The following ERC2 variants were observed in gnomAD, a reference collection of about 807,000 sequenced individuals.
The protein encoded by ERC2 is ERC protein 2.
Under a neutral mutation model 114.8 loss-of-function variants are expected in ERC2, and 42 were observed. The observed-to-expected ratio is 0.37, with a 90% confidence interval of 0.29 to 0.47. ERC2 has a LOEUF of 0.47. Among genes scored for constraint, ERC2 ranks in the 20% least tolerant of loss-of-function variants. The pLI is 0.99. For synonymous variants in ERC2, 454 were observed against 425.5 expected (o/e 1.07, Z -0.82); for missense variants, 939 against 1,150.7 (o/e 0.82, Z 2.66).
rs73832722 is a variant in ERC2 at position 56,379,812 on chromosome 3, T to C, written c.657+54539A>G. ...GTAAGGAAGGGAAGGGAATGAAATA[T>C]GTTCAACAGGAAAAATAGAATTAAG... On this transcript the variant is annotated intron_variant, in intron 2 of 17. Coordinates refer to ENST00000288221, the MANE Select transcript of ERC2 (RefSeq NM_015576.3). Among the ~76,000 whole-genome samples the C allele has an allele frequency of 3.4e-3, 518 of 152,298 alleles. 3 individuals are homozygous for C. The highest frequency in any genetic ancestry group is 0.012 in the African/African-American group (497 of 41,576).
chr3:55,873,849 G>T (rs1240129342), intron 14 of ERC2, among the ~76,000 whole-genome samples: 2 of 152,186 alleles, frequency 1.3e-5, no homozygotes, highest in Non-Finnish European at 2.9e-5. Context: ...TGGGTCCAGG[G>T]ACCTCTCCTC....
In ERC2 at chr3:55,510,819, T is replaced by C. The variant is rs2052021847; in HGVS notation, c.*497A>G. On this transcript the variant is annotated 3_prime_UTR_variant, in exon 18 of 18. Transcript: ENST00000288221. The stretch of plus-strand genomic sequence containing the variant: ...AGCGAATTTATACTTTTTGATAATC[T>C]AATGCATTAGGAATGACCAATTAGA... 2.0e-5 allele frequency: 3 copies of C among 152,338 alleles called. No individual in the cohort carries two copies. Among genetic ancestry groups the C allele is most frequent in the Non-Finnish European group, 4.4e-5 (3 of 68,040 alleles). 9.4% of individuals were successfully genotyped at this position (152,338 alleles called of 1,614,324 possible).
chr3:55,881,261 A>C (rs2063107955), intron 14 of ERC2, among the ~76,000 whole-genome samples: 1 of 152,182 alleles, frequency 6.6e-6, no homozygotes, highest in South Asian at 2.1e-4. Flanking sequence ...GCCCTCGAAT[A>C]AGCTGCTGTC....
intron 8 of ERC2, among the ~76,000 whole-genome samples, chr3:56,011,658 G>A (rs148087111): frequency 6.6e-6 from 1 of 151,912 alleles, no homozygotes; most frequent in Non-Finnish European, 1.5e-5. Context: ...AATTCCATCT[G>A]CGTAAAGCTT....
chr3:55,697,294 T>C (rs994903290), intron 16 of ERC2, among the ~76,000 whole-genome samples: 1 of 152,206 alleles, frequency 6.6e-6, no homozygotes, highest in Non-Finnish European at 1.5e-5. Flanking sequence ...ACTGCCTCTA[T>C]GTCCATGGGT....
intron 3 of ERC2, among the ~76,000 whole-genome samples, chr3:56,284,888 G>A (rs956466243): frequency 2.6e-5 from 4 of 151,854 alleles, no homozygotes; most frequent in Admixed American, 6.6e-5. Context: ...CAGTTTCTGA[G>A]AGAGAAGAGT....
intron 7 of ERC2, among the ~76,000 whole-genome samples, chr3:56,077,016 A>T (rs1196757835): frequency 1.3e-5 from 2 of 152,208 alleles, no homozygotes; most frequent in African/African-American, 4.8e-5. Flanking sequence ...TGACATTGAC[A>T]TGAGCTTATT....
At chr3:56,012,481 A>T (rs1162631747) in intron 8 of ERC2, among the ~76,000 whole-genome samples, 1 of 152,150 alleles carries the variant, frequency 6.6e-6, no homozygotes, top group Non-Finnish European at 1.5e-5. Context: ...CTTGACCCAC[A>T]GCTGGGCAAA....
chr3:55,951,485 G>A (rs748477268), intron 12 of ERC2, among the ~76,000 whole-genome samples: 4 of 152,120 alleles, frequency 2.6e-5, no homozygotes, highest in Non-Finnish European at 4.4e-5. Flanking sequence ...TAAAGAATGG[G>A]TTCAAGAAAA....
intron 9 of ERC2, among the ~76,000 whole-genome samples, chr3:56,007,816 AC>A (rs1436507746): frequency 4.6e-5 from 7 of 152,162 alleles, no homozygotes; most frequent in African/African-American, 1.7e-4. Context: ...CAATGGTTTT[AC>A]AAACATCTTC....
At chr3:56,342,458 GC>G (rs1427253539) in intron 2 of ERC2, among the ~76,000 whole-genome samples, 1 of 152,206 alleles carries the variant, frequency 6.6e-6, no homozygotes, top group Non-Finnish European at 1.5e-5. Flanking sequence ...CCATATGCCA[GC>G]TATTCGGCTA....
At chr3:55,714,659 GTGTGTGTGTATATA>G (rs2063977567) in intron 15 of ERC2, among the ~76,000 whole-genome samples, 9 of 70,852 alleles carry the variant, frequency 1.3e-4, no homozygotes, top group Admixed American at 2.2e-4. Context: ...GTGTGTGTGT[GTGTGTGTGTATATA>G]TATATATATA....
At chr3:56,432,691 G>A (rs2061844896) in intron 2 of ERC2, among the ~76,000 whole-genome samples, 1 of 152,214 alleles carries the variant, frequency 6.6e-6, no homozygotes, top group African/African-American at 2.4e-5. Context: ...GTGGTAGCCA[G>A]GGAAACAGTT....
intron 17 of ERC2, among the ~76,000 whole-genome samples, chr3:55,644,269 C>T (rs961545616): frequency 6.6e-6 from 1 of 152,102 alleles, no homozygotes; most frequent in Non-Finnish European, 1.5e-5. Context: ...ATAGAAAACA[C>T]GTCAAAAGTT....
At chr3:55,873,852 C>A (rs2062701647) in intron 14 of ERC2, among the ~76,000 whole-genome samples, 1 of 152,222 alleles carries the variant, frequency 6.6e-6, no homozygotes, top group Non-Finnish European at 1.5e-5. Flanking sequence ...GTCCAGGGAC[C>A]TCTCCTCTTT....
chr3:56,214,026 A>C (rs1430421742), intron 3 of ERC2, among the ~76,000 whole-genome samples: 2 of 152,182 alleles, frequency 1.3e-5, no homozygotes, highest in Non-Finnish European at 2.9e-5. Context: ...TCAAAGACCA[A>C]AGGTAGATAG....
intron 2 of ERC2, among the ~76,000 whole-genome samples, chr3:56,405,887 CTTTTTTTTTTT>C (rs72095902): frequency 2.3e-3 from 197 of 85,174 alleles, no homozygotes; most frequent in African/African-American, 8.3e-3. Context: ...ACTTTTTTTT[CTTTTTTTTTTT>C]TTTTTTTTTT....
At chr3:55,566,336 T>C (rs1317136120) in intron 17 of ERC2, among the ~76,000 whole-genome samples, 1 of 152,220 alleles carries the variant, frequency 6.6e-6, no homozygotes, top group Non-Finnish European at 1.5e-5. Context: ...AGTAGGCAAA[T>C]AGCCTGCATG....
chr3:55,607,816 C>G (rs1223397180), intron 17 of ERC2: 1 of 152,100 alleles, frequency 6.6e-6, no homozygotes, highest in African/African-American at 2.4e-5. Context: ...CCACTTTGCC[C>G]CTTCCTTTCC....
Sources: allele counts gnomAD v4.1 joint callset (sites outside exome capture counted in the v4.1 genomes callset), GRCh38; gene constraint gnomAD v4.1.1; transcripts MANE v1.5; gene names NCBI Gene and HGNC (gene_info 2026-07-23, HGNC 2026-07-21).